DLC1: variants seen among roughly 807,000 people sequenced by gnomAD.
DLC1 encodes rho GTPase-activating protein 7.
DLC1 carries 54 observed loss-of-function variants against 140.3 expected under a neutral mutation model. The observed-to-expected ratio is 0.38, with a 90% confidence interval of 0.31 to 0.48. DLC1 has a LOEUF of 0.48. Ranked by LOEUF, DLC1 falls within the 20% of genes least tolerant of loss-of-function variation. DLC1 has a pLI of 0.96. For missense variants in DLC1, 2,536 were observed against 1,907.0 expected, an observed-to-expected ratio of 1.33 and a Z score of -6.14; for synonymous variants, 986 against 728.1, an observed-to-expected ratio of 1.35 and a Z score of -5.70.
intron 5 of DLC1, among the ~76,000 whole-genome samples, chr8:13,215,887 C>G (rs1828176937): frequency 6.6e-6 from 1 of 152,160 alleles, no homozygotes; most frequent in African/African-American, 2.4e-5. Context: ...CTACAAAAGG[C>G]TACAACTCGT....
chr8:13,371,012 G>A (rs997269385), intron 4 of DLC1, among the ~76,000 whole-genome samples: 4 of 152,128 alleles, frequency 2.6e-5, no homozygotes, highest in African/African-American at 9.7e-5. Context: ...CACACCATAC[G>A]AACTAAGTAT....
At chr8:13,301,065 G>C (rs1316396105) in intron 5 of DLC1, among the ~76,000 whole-genome samples, 1 of 152,168 alleles carries the variant, frequency 6.6e-6, no homozygotes. Flanking sequence ...TAGCTGGCTT[G>C]CTTGGTAGAT....
chr8:13,100,564 C>T lies in DLC1; in HGVS notation c.1773G>A (p.Val591=). The T allele has an allele frequency of 6.2e-7, 1 of 1,613,488 alleles. No homozygotes were observed. Among genetic ancestry groups the T allele is most frequent in the African/African-American group, 1.3e-5 (1 of 75,054 alleles). Reference sequence around the variant, plus strand: ...TGCTGCTGAGGCTGCGGACGGAAGACACCTCCTGGCGCTCGCTGAGGTCCA... The same window carrying T: ...TGCTGCTGAGGCTGCGGACGGAAGATACCTCCTGGCGCTCGCTGAGGTCCA... ...TLMDLSERQE[V]SSVRSLSSTG... is the part of the protein sequence containing the mutation. Residue 591 remains valine, a synonymous_variant, in exon 9 of 18, where the codon GTG becomes GTA. Coordinates refer to ENST00000276297, the MANE Select transcript of DLC1 (RefSeq NM_182643.3).
At chr8:13,127,848 G>A (rs1343910288) in intron 5 of DLC1, among the ~76,000 whole-genome samples, 6 of 152,218 alleles carry the variant, frequency 3.9e-5, no homozygotes, top group Non-Finnish European at 8.8e-5. Flanking sequence ...CAAAGGTGGG[G>A]CAGGGCAGAG....
At chr8:13,602,012 C>G (rs1481992254) in intron 1 of DLC1, among the ~76,000 whole-genome samples, 2 of 151,752 alleles carry the variant, frequency 1.3e-5, no homozygotes, top group Non-Finnish European at 2.9e-5. Context: ...AGGAAAACAA[C>G]TACATATTAA....
At chr8:13,249,370 G>A (rs1231331398) in intron 5 of DLC1, among the ~76,000 whole-genome samples, 3 of 152,062 alleles carry the variant, frequency 2.0e-5, no homozygotes, top group Non-Finnish European at 4.4e-5. Flanking sequence ...GAGCCACCAC[G>A]TCCGGCCACC....
At chr8:13,485,864 C>G (rs1800947798) in intron 2 of DLC1, among the ~76,000 whole-genome samples, 1 of 152,120 alleles carries the variant, frequency 6.6e-6, no homozygotes, top group Admixed American at 6.5e-5. Flanking sequence ...TGTTTCTAGT[C>G]TAAGCAGAAT....
At chr8:13,399,242 G>A (rs977072178) in intron 3 of DLC1, among the ~76,000 whole-genome samples, 1 of 152,138 alleles carries the variant, frequency 6.6e-6, no homozygotes, top group African/African-American at 2.4e-5. Flanking sequence ...TGACAACCAG[G>A]GAATTCTGGT....
At chr8:13,160,421 C>A (rs1190038507) in intron 5 of DLC1, 1 of 152,176 alleles carries the variant, frequency 6.6e-6, no homozygotes, top group African/African-American at 2.4e-5. Flanking sequence ...GTACCTGTTC[C>A]AGCTTGATTT....
intron 1 of DLC1, chr8:13,567,008 A>C (rs1327993152): frequency 6.5e-7 from 1 of 1,549,652 alleles, no homozygotes; most frequent in Non-Finnish European, 8.7e-7. Flanking sequence ...ATCTGCCCAG[A>C]ATTGGCCCAA....
At position 13,118,828 on chromosome 8, in the gene DLC1, C is replaced by T. The variant is rs147578532; in HGVS notation, c.1349-3171G>A. On this transcript the variant is annotated intron_variant, in intron 5 of 17. Coordinates refer to ENST00000276297, the MANE Select transcript of DLC1 (RefSeq NM_182643.3). ...ATAAAACTCTGGGTCTGTAAACAAC[C>T]CTCTCTTAAGAGAATCTGTCCATCA... is the stretch of plus-strand genomic sequence containing the variant. 2.8e-3 allele frequency among the ~76,000 whole-genome samples: 423 copies of T among 152,170 alleles called. 3 individuals carry two copies. The highest frequency in any genetic ancestry group is 9.3e-3 in the African/African-American group (388 of 41,508).
At position 13,404,669 on chromosome 8, in the gene DLC1, A is replaced by C. The variant is rs558503059; in HGVS notation, c.1024-3050T>G. On this transcript the variant is annotated intron_variant, in intron 2 of 17. Transcript: ENST00000276297. Reference sequence around the variant, plus strand: ...CAACAAGGAATTTACCTTGTTGCCCAGGTAAATTTTAGTATGAATTGTAGA... The same window carrying C: ...CAACAAGGAATTTACCTTGTTGCCCCGGTAAATTTTAGTATGAATTGTAGA... Among the ~76,000 whole-genome samples the C allele has an allele frequency of 3.3e-5, 5 of 152,196 alleles. No individual in the cohort carries two copies. In the South Asian group the frequency reaches 1.0e-3, roughly 32 times the overall value.
intron 5 of DLC1, among the ~76,000 whole-genome samples, chr8:13,209,023 G>A (rs148776486): frequency 1.9e-4 from 29 of 152,156 alleles, no homozygotes; most frequent in African/African-American, 7.0e-4. Flanking sequence ...AAAATAAAAC[G>A]AATGTTAAGA....
chr8:13,191,918 A>G (rs1034402795), intron 5 of DLC1, among the ~76,000 whole-genome samples: 1 of 142,304 alleles, frequency 7.0e-6, no homozygotes, highest in African/African-American at 2.6e-5. Context: ...CTTTAAGGGG[A>G]GTGGCCTGAT....
intron 5 of DLC1, among the ~76,000 whole-genome samples, chr8:13,252,992 T>C (rs965595113): frequency 6.6e-6 from 1 of 152,182 alleles, no homozygotes; most frequent in Non-Finnish European, 1.5e-5. Flanking sequence ...AAATACATTA[T>C]AATGAAGCTA....
intron 2 of DLC1, among the ~76,000 whole-genome samples, chr8:13,415,726 C>A (rs1296415052): frequency 1.3e-5 from 2 of 151,910 alleles, no homozygotes; most frequent in African/African-American, 2.4e-5. Flanking sequence ...ATTATTATTT[C>A]TTTTTTACCA....
rs559471410 is a variant in DLC1, at chr8:13,157,173, G to A, written c.1349-41516C>T. ...GCACCATAACTTACAAATGAAAACC[G>A]GTTACCCAGTGAAACTATCTTTTTC... is the stretch of plus-strand genomic sequence containing the variant. On this transcript the variant is annotated intron_variant, in intron 5 of 17. Coordinates refer to ENST00000276297, the MANE Select transcript of DLC1 (RefSeq NM_182643.3). Among the ~76,000 whole-genome samples the A allele has an allele frequency of 9.8e-4, 149 of 152,244 alleles. 5 individuals are homozygous for A. The South Asian group carries it at 0.029, about 30-fold the overall frequency.
At chr8:13,093,249 G>A (rs566309501) in intron 12 of DLC1, among the ~76,000 whole-genome samples, 2 of 152,164 alleles carry the variant, frequency 1.3e-5, no homozygotes, top group East Asian at 1.9e-4. Flanking sequence ...GTACAAGAAC[G>A]TAAGAACAGA....
At chr8:13,590,758 C>T (rs910500692) in intron 1 of DLC1, among the ~76,000 whole-genome samples, 1 of 151,962 alleles carries the variant, frequency 6.6e-6, no homozygotes, top group Non-Finnish European at 1.5e-5. Flanking sequence ...CTAATTATGC[C>T]ATTATTTAAA....
Sources: gnomAD v4.1 joint callset for allele counts (sites outside exome capture counted in the v4.1 genomes callset) on GRCh38, gnomAD v4.1.1 for gene constraint, MANE v1.5 for transcripts, NCBI Gene and HGNC (gene_info 2026-07-23, HGNC 2026-07-21) for gene names.